The following C6 variants were observed in gnomAD, a reference collection of about 807,000 sequenced individuals.
The protein encoded by C6 is complement C6.
In C6, 101 loss-of-function variants were observed where a neutral mutation model predicts 112.9. The ratio of observed to expected loss-of-function variants is 0.89; its 90% CI spans 0.76 to 1.06. The LOEUF is 1.06. Ranked by LOEUF, C6 falls within the 50% of genes least tolerant of loss-of-function variation. The pLI is 0.00. For missense variants in C6, 1,202 were observed against 1,104.6 expected, an observed-to-expected ratio of 1.09 and a Z score of -1.25; for synonymous variants, 431 against 384.1, an observed-to-expected ratio of 1.12 and a Z score of -1.43.
intron 1 of C6, among the ~76,000 whole-genome samples, chr5:41,209,945 C>T (rs1751760291): frequency 6.6e-6 from 1 of 152,174 alleles, no homozygotes; most frequent in African/African-American, 2.4e-5. Context: ...CTGGAGGCAT[C>T]TTGCTACCTG....
chr5:41,163,177 A>G (rs1747680258), intron 9 of C6, among the ~76,000 whole-genome samples: 1 of 152,092 alleles, frequency 6.6e-6, no homozygotes, highest in African/African-American at 2.4e-5. Flanking sequence ...AAAAAAAACT[A>G]GTAAAAGACA....
At position 41,186,119 on chromosome 5, in the gene C6, G is replaced by A. The variant is rs61734261; in HGVS notation, c.677C>T (p.Thr226Ile). The A allele has an allele frequency of 7.3e-4, 1,173 of 1,613,950 alleles. 11 individuals are homozygous for A. The African/African-American group carries it at 0.014, about 19-fold the overall frequency. Residue 226 changes from threonine to isoleucine, a missense_variant, in exon 6 of 18, where the codon ACA becomes ATA. Thr to Ile is a moderately conservative substitution (Grantham distance 89). Transcript: ENST00000337836. Reference sequence around the variant, plus strand: ...GGCCGGAACACGGTATGGATTACTTGTCCTACTGCTTTTGACAGTTTTACA... The same window carrying A: ...GGCCGGAACACGGTATGGATTACTTATCCTACTGCTTTTGACAGTTTTACA... ...GICKTVKSSR[T>I]SNPYRVPANL...
At position 41,159,247 on chromosome 5, in the gene C6, A is replaced by G. The variant is rs1372287395; in HGVS notation, c.1691T>C (p.Val564Ala). The change falls in exon 12 of 18, where the codon GTA (valine) becomes GCA (alanine). Residue 564 changes from valine (V) to alanine (A), a missense_variant. Val to Ala is a moderately conservative substitution (Grantham distance 64, BLOSUM62 0). Transcript: ENST00000337836. ...AGACCAACAACCCCACTGTCCGTCT[A>G]CTGCATCTGGAACAAAGGAAGACTC... ...KQSPDYKSNA[V>A]DGQWGCWSSW... The G allele has an allele frequency of 6.2e-7, 1 of 1,613,124 alleles. No homozygotes were observed. The highest frequency in any genetic ancestry group is 2.2e-5 in the East Asian group (1 of 44,752).
chr5:41,204,586 T>G (rs1270126614), intron 1 of C6, among the ~76,000 whole-genome samples: 2 of 152,014 alleles, frequency 1.3e-5, no homozygotes, highest in African/African-American at 4.8e-5. Flanking sequence ...GTCAAGAGCT[T>G]GAGATCAGAT....
chr5:41,203,486 A>T (rs181321694), intron 1 of C6: 1 of 476,436 alleles, frequency 2.1e-6, no homozygotes, highest in African/African-American at 2.0e-5. Context: ...AGTTTCTTCA[A>T]ACGGTTAGTG....
At position 41,149,242 on chromosome 5, in the gene C6, T is replaced by A; in HGVS notation, c.2622A>T (p.Ser874=). 1 of 1,614,046 alleles carries A rather than the reference T, an allele frequency of 6.2e-7. No individual in the cohort carries two copies. The highest frequency in any genetic ancestry group is 8.5e-7 in the Non-Finnish European group (1 of 1,179,916). The change falls in exon 17 of 18, where the codon TCA becomes TCT. Residue 874 remains serine (S), a splice_region_variant and synonymous_variant. Coordinates refer to ENST00000337836, the MANE Select transcript of C6 (RefSeq NM_000065.5). Reference sequence around the variant, plus strand: ...AGTATGGTCACCATTGGAACTTACCTGAACATTTTTCCCAGTCATAGCAGG... The same window carrying A: ...AGTATGGTCACCATTGGAACTTACCAGAACATTTTTCCCAGTCATAGCAGG... ...YDTCYDWEKC[S]ASTSKCVCLL...
intron 1 of C6, among the ~76,000 whole-genome samples, chr5:41,227,537 G>C (rs982779814): frequency 1.3e-5 from 2 of 152,002 alleles, no homozygotes; most frequent in Non-Finnish European, 2.9e-5. Context: ...GCCCAGACCA[G>C]TGTCATGGAA....
chr5:41,178,276 T>C (rs960978740), intron 7 of C6, among the ~76,000 whole-genome samples: 3 of 152,088 alleles, frequency 2.0e-5, no homozygotes, highest in African/African-American at 7.2e-5. Context: ...GACTGAGTTA[T>C]CTGGTATTTT....
chr5:41,228,153 T>C (rs1739644707), intron 1 of C6, among the ~76,000 whole-genome samples: 1 of 152,128 alleles, frequency 6.6e-6, no homozygotes, highest in Admixed American at 6.6e-5. Flanking sequence ...TCAGCATTAA[T>C]ATATAGTTTT....
intron 1 of C6, among the ~76,000 whole-genome samples, chr5:41,228,144 C>A (rs1288565602): frequency 6.6e-6 from 1 of 151,918 alleles, no homozygotes; most frequent in Non-Finnish European, 1.5e-5. Context: ...CCATTTTTTT[C>A]AGCATTAATA....
At chr5:41,173,557 G>C (rs138358064) in intron 8 of C6, among the ~76,000 whole-genome samples, 1 of 152,118 alleles carries the variant, frequency 6.6e-6, no homozygotes, top group Non-Finnish European at 1.5e-5. Context: ...TGCAGAATAC[G>C]AGCACATGAG....
chr5:41,206,759 C>G (rs76940122), intron 1 of C6, among the ~76,000 whole-genome samples: 1 of 152,078 alleles, frequency 6.6e-6, no homozygotes, highest in Admixed American at 6.5e-5. Flanking sequence ...ATTGGTGTAC[C>G]TGAAAGTGAC....
chr5:41,147,845 C>T (rs1408173390), intron 17 of C6, among the ~76,000 whole-genome samples: 5 of 151,946 alleles, frequency 3.3e-5, no homozygotes, highest in East Asian at 3.9e-4. Context: ...GTCCCTGCCT[C>T]GAAATAATTC....
chr5:41,251,236 G>A (rs1055543174), intron 1 of C6, among the ~76,000 whole-genome samples: 1 of 152,210 alleles, frequency 6.6e-6, no homozygotes, highest in African/African-American at 2.4e-5. Flanking sequence ...GCTGATTCAG[G>A]CCAAAAGGAA....
intron 15 of C6, among the ~76,000 whole-genome samples, chr5:41,150,313 A>C (rs1441399899): frequency 2.0e-5 from 3 of 152,190 alleles, no homozygotes; most frequent in Non-Finnish European, 4.4e-5. Context: ...ATATTTATTG[A>C]GTATACATGA....
chr5:41,210,819 G>A (rs901396951), intron 1 of C6, among the ~76,000 whole-genome samples: 9 of 152,182 alleles, frequency 5.9e-5, no homozygotes, highest in Non-Finnish European at 1.3e-4. Flanking sequence ...CATTGTGGAA[G>A]GCAGTGTGGT....
chr5:41,143,154 A>T lies in C6; in HGVS notation c.2624-148T>A, dbSNP rs1561082121. 9.8e-6 allele frequency: 7 copies of T among 711,068 alleles called. No individual in the cohort carries two copies. In the East Asian group the frequency reaches 1.9e-4, roughly 19 times the overall value. The allele number at this position is 711,068 out of a possible 1,614,324, so 44.0% of individuals were successfully genotyped here. A position where few individuals can be genotyped will look rare whatever the true frequency, so the allele number is the denominator to read the frequency against. On this transcript the variant is annotated intron_variant, in intron 17 of 17. Transcript: ENST00000337836. ...TCTCTAATGAATGAGAAAGCCAAAAAATAAAAATTAAAAACAAAACAAAAC... is the reference window on the plus strand; with the variant it reads ...TCTCTAATGAATGAGAAAGCCAAAATATAAAAATTAAAAACAAAACAAAAC...
chr5:41,248,108 C>A (rs1191949269), intron 1 of C6, among the ~76,000 whole-genome samples: 1 of 152,150 alleles, frequency 6.6e-6, no homozygotes, highest in African/African-American at 2.4e-5. Flanking sequence ...GCTGAGATAG[C>A]TGGCTAGCAC....
At chr5:41,208,594 T>C (rs1222998687) in intron 1 of C6, among the ~76,000 whole-genome samples, 1 of 152,064 alleles carries the variant, frequency 6.6e-6, no homozygotes, top group African/African-American at 2.4e-5. Context: ...TATAAACACC[T>C]CTACACAAAT....
Sources: gnomAD v4.1 joint callset for allele counts (sites outside exome capture counted in the v4.1 genomes callset) on GRCh38, gnomAD v4.1.1 for gene constraint, MANE v1.5 for transcripts, NCBI Gene and HGNC (gene_info 2026-07-23, HGNC 2026-07-21) for gene names.